The following DNAJC2 variants were observed in gnomAD, a reference collection of about 807,000 sequenced individuals.
The protein encoded by DNAJC2 is DnaJ heat shock protein family (Hsp40) member C2.
DNAJC2 carries 32 observed loss-of-function variants against 94.0 expected under a neutral mutation model. That is an observed-to-expected ratio of 0.34 (90% CI 0.26 to 0.46). The LOEUF (loss-of-function observed/expected upper bound fraction) is 0.46. DNAJC2 is among the 20% of genes least tolerant of loss of function. DNAJC2 has a pLI of 1.00. For missense variants in DNAJC2, 550 were observed against 719.5 expected (o/e 0.76, Z 2.69); for synonymous variants, 210 against 229.7 (o/e 0.91, Z 0.77).
At chr7:103,313,593 C>T (rs1459497130) in intron 15 of DNAJC2, 21 of 981,534 alleles carry the variant, frequency 2.1e-5, no homozygotes, top group Non-Finnish European at 2.5e-5. Context: ...CAAAATTAAG[C>T]CAAGTGCCCA....
intron 3 of DNAJC2, among the ~76,000 whole-genome samples, chr7:103,328,624 C>G (rs1818834639): frequency 6.6e-6 from 1 of 150,622 alleles, no homozygotes; most frequent in Non-Finnish European, 1.5e-5. Flanking sequence ...GAGTGAGACT[C>G]TGTGTCAAAA....
chr7:103,322,690 C>G lies in DNAJC2; in HGVS notation c.811+13G>C. 1 of 1,612,412 alleles carries G rather than the reference C, an allele frequency of 6.2e-7. No individual in the cohort carries two copies. The highest frequency in any genetic ancestry group is 8.5e-7 in the Non-Finnish European group (1 of 1,179,424). On this transcript the variant is annotated intron_variant, in intron 8 of 16. Coordinates refer to ENST00000379263, the MANE Select transcript of DNAJC2 (RefSeq NM_014377.3). ...TTTCTAACATTTAGGGGACTTAAAT[C>G]AATTCTACTTACCAACTAATGTTCT...
intron 15 of DNAJC2, among the ~76,000 whole-genome samples, chr7:103,315,213 C>G (rs984737533): frequency 6.6e-6 from 1 of 151,604 alleles, no homozygotes; most frequent in African/African-American, 2.4e-5. Flanking sequence ...GGTTTTGAAC[C>G]CTAACAATTT....
intron 6 of DNAJC2, among the ~76,000 whole-genome samples, chr7:103,324,242 T>A (rs1431133658): frequency 2.0e-5 from 3 of 152,186 alleles, no homozygotes; most frequent in Non-Finnish European, 4.4e-5. Flanking sequence ...AAAATGTACT[T>A]ATTTTTATTC....
intron 5 of DNAJC2, among the ~76,000 whole-genome samples, chr7:103,325,316 A>G (rs1435953160): frequency 6.6e-6 from 1 of 152,190 alleles, no homozygotes; most frequent in Non-Finnish European, 1.5e-5. Context: ...AGATGCCTGT[A>G]GTCCCAGCTA....
At position 103,314,290 on chromosome 7, in the gene DNAJC2, C is replaced by T. The variant is rs187279827; in HGVS notation, c.1637-1189G>A. On this transcript the variant is annotated intron_variant, in intron 15 of 16. Transcript: ENST00000379263. Reference sequence around the variant, plus strand: ...CTTCACAATACCAAAATAAATTAAACGTACTGTTGCAAAACTCCTATGAGA... The same window carrying T: ...CTTCACAATACCAAAATAAATTAAATGTACTGTTGCAAAACTCCTATGAGA... 249 of 985,368 alleles carry T rather than the reference C, an allele frequency of 2.5e-4. No individual in the cohort carries two copies. The African/African-American group carries it at 3.7e-3, about 15-fold the overall frequency. The allele number at this position is 985,368 out of a possible 1,614,324, so 61.0% of individuals were successfully genotyped here. A position where few individuals can be genotyped will look rare whatever the true frequency, so the allele number is the denominator to read the frequency against.
chr7:103,313,317 T>G (rs1817863264), intron 15 of DNAJC2: 1 of 1,302,618 alleles, frequency 7.7e-7, no homozygotes, highest in Non-Finnish European at 9.7e-7. Flanking sequence ...TCTCAAAGGC[T>G]TTTAAAACAC....
chr7:103,337,345 T>C (rs1819212219), intron 3 of DNAJC2: 1 of 158,566 alleles, frequency 6.3e-6, no homozygotes, highest in African/African-American at 2.4e-5. Context: ...TACAAAGGTG[T>C]GACCTAAGAT....
rs750346479 is a variant in DNAJC2, at chr7:103,317,022, AAT to A, written c.1243-10_1243-9del. Reference sequence around the variant, plus strand: ...CTCATTTATTTCTTCTATCTGCACAAATATCATAAGTCAGGGACTTAGAAGTA... The same window carrying A: ...CTCATTTATTTCTTCTATCTGCACAAATCATAAGTCAGGGACTTAGAAGTA... On this transcript the variant is annotated splice_polypyrimidine_tract_variant and intron_variant, in intron 12 of 16. Transcript: ENST00000379263. 1 of 1,611,000 alleles carries A rather than the reference AAT, an allele frequency of 6.2e-7. No individual in the cohort carries two copies. The highest frequency in any genetic ancestry group is 2.2e-5 in the East Asian group (1 of 44,880).
At chr7:103,326,248 G>A (rs1436811000) in intron 5 of DNAJC2, among the ~76,000 whole-genome samples, 1 of 152,176 alleles carries the variant, frequency 6.6e-6, no homozygotes, top group Admixed American at 6.5e-5. Flanking sequence ...AAAGTGCTGG[G>A]ATTACAGGTG....
chr7:103,316,559 G>A (rs1563455779), intron 13 of DNAJC2: 1 of 397,280 alleles, frequency 2.5e-6, no homozygotes, highest in Non-Finnish European at 4.5e-6. Context: ...AACAAGCCAT[G>A]ACAGAGTAAG....
intron 15 of DNAJC2, chr7:103,314,082 TATA>T (rs1444757105): frequency 4.1e-6 from 4 of 985,264 alleles, no homozygotes; most frequent in Non-Finnish European, 4.8e-6. Flanking sequence ...AGAGAATTTG[TATA>T]ATATTTGATG....
chr7:103,316,369 C>T (rs76589743), intron 13 of DNAJC2: 16,980 of 257,348 alleles, frequency 0.066, 639 homozygotes, highest in South Asian at 0.12. Flanking sequence ...TGTATACTGC[C>T]AGTTTAATAC....
chr7:103,314,933 A>G (rs905128730), intron 15 of DNAJC2, among the ~76,000 whole-genome samples: 1 of 152,218 alleles, frequency 6.6e-6, no homozygotes, highest in Non-Finnish European at 1.5e-5. Flanking sequence ...AACTTTTTCC[A>G]CATAAACTGC....
intron 16 of DNAJC2, 145 bp from the exon 17 acceptor site, chr7:103,312,788 T>C (rs1817823274): frequency 6.6e-7 from 1 of 1,510,204 alleles, no homozygotes; most frequent in South Asian, 1.4e-5. Context: ...CTAGAAAGTT[T>C]CTAAGGTTGC....
intron 7 of DNAJC2, among the ~76,000 whole-genome samples, chr7:103,323,227 G>A (rs1420365797): frequency 6.6e-6 from 1 of 152,082 alleles, no homozygotes; most frequent in Non-Finnish European, 1.5e-5. Context: ...AGCACGCCCG[G>A]CCTAAACAGT....
rs192805988 is a variant in DNAJC2 at position 103,334,830 on chromosome 7, T to G, written c.331+2906A>C. 2.0e-3 allele frequency among the ~76,000 whole-genome samples: 310 copies of G among 152,150 alleles called. 2 individuals are homozygous for G. The highest frequency in any genetic ancestry group is 7.1e-3 in the African/African-American group (295 of 41,478). ...GGTTCAGAAACAGTGACAAATATTT[T>G]TGGTATTTTTTTGGGCATTTTTTGA... On this transcript the variant is annotated intron_variant, in intron 3 of 16. Transcript: ENST00000379263.
In DNAJC2 at chr7:103,316,256, G is replaced by A. The variant is rs1818048492; in HGVS notation, c.1428-168C>T. 7 of 435,240 alleles carry A rather than the reference G, an allele frequency of 1.6e-5. No homozygotes were observed. In the South Asian group the frequency reaches 4.9e-4, roughly 30 times the overall value. 27.0% of individuals were successfully genotyped at this position (435,240 alleles called of 1,614,324 possible). A position where few individuals can be genotyped will look rare whatever the true frequency, so the allele number is the denominator to read the frequency against. On this transcript the variant is annotated intron_variant, in intron 13 of 16. Transcript: ENST00000379263. Reference sequence around the variant, plus strand: ...ATAAATTCCTGTTGCCTGGACTACGGTTTTTGCTTTTCATGTGTTTAAATC... The same window carrying A: ...ATAAATTCCTGTTGCCTGGACTACGATTTTTGCTTTTCATGTGTTTAAATC...
At chr7:103,337,580 G>A in intron 3 of DNAJC2, 156 bp downstream of exon 3, 1 of 588,574 alleles carries the variant, frequency 1.7e-6, no homozygotes. Context: ...TCTGAAGGCA[G>A]GGGAGACCGT....
Sources: gnomAD v4.1 joint callset for allele counts (sites outside exome capture counted in the v4.1 genomes callset) on GRCh38, gnomAD v4.1.1 for gene constraint, MANE v1.5 for transcripts, NCBI Gene and HGNC (gene_info 2026-07-23, HGNC 2026-07-21) for gene names.